The following PPFIA2 variants were observed in gnomAD, a reference collection of about 807,000 sequenced individuals.
The protein encoded by PPFIA2 is PPFI scaffold protein A2, also known as liprin-alpha-2.
In PPFIA2, 46 loss-of-function variants were observed where a neutral mutation model predicts 175.5. The ratio of observed to expected loss-of-function variants is 0.26; its 90% CI spans 0.21 to 0.34. The LOEUF (loss-of-function observed/expected upper bound fraction) is 0.34. PPFIA2 is among the 10% of genes least tolerant of loss of function. The pLI is 1.00. For missense variants in PPFIA2, 1,179 were observed against 1,506.1 expected (o/e 0.78, Z 3.60); for synonymous variants, 568 against 511.4 (o/e 1.11, Z -1.49).
chr12:81,371,460 G>T (rs2141562472), intron 11 of PPFIA2, among the ~76,000 whole-genome samples: 1 of 151,674 alleles, frequency 6.6e-6, no homozygotes, highest in Non-Finnish European at 1.5e-5. Flanking sequence ...CTTGAGACAT[G>T]AATATTTCAG....
chr12:81,302,113 T>A (rs1461310975), intron 22 of PPFIA2: 1 of 348,454 alleles, frequency 2.9e-6, no homozygotes, highest in African/African-American at 2.2e-5. Context: ...TATATTTAGG[T>A]GCTTCTTGTT....
chr12:81,600,845 T>C (rs1420336952), intron 4 of PPFIA2, among the ~76,000 whole-genome samples: 1 of 151,980 alleles, frequency 6.6e-6, no homozygotes, highest in East Asian at 1.9e-4. Context: ...GTTTGTCAAA[T>C]AGATTTTTAC....
intron 3 of PPFIA2, among the ~76,000 whole-genome samples, chr12:81,732,258 G>T (rs545924927): frequency 6.6e-6 from 1 of 151,626 alleles, no homozygotes; most frequent in South Asian, 2.1e-4. Flanking sequence ...CATATTAATA[G>T]CATTTAAATA....
intron 4 of PPFIA2, among the ~76,000 whole-genome samples, chr12:81,505,485 G>A (rs1157112812): frequency 6.6e-6 from 1 of 152,004 alleles, no homozygotes; most frequent in Non-Finnish European, 1.5e-5. Context: ...GATGGTTTTT[G>A]TTTGGTGTTT....
Position 81,353,473 on chromosome 12 carries a change from T to G in PPFIA2, c.1774-134A>C, listed in dbSNP as rs1595414599. ...AAAAACTGAACCAATTATTAACATTTTAATTTATTTGCTTCCATAAAATAG... is the reference window on the plus strand; with the variant it reads ...AAAAACTGAACCAATTATTAACATTGTAATTTATTTGCTTCCATAAAATAG... On this transcript the variant is annotated intron_variant, in intron 16 of 32. Transcript: ENST00000549396. The G allele has an allele frequency of 1.4e-5, 9 of 627,184 alleles. No individual in the cohort carries two copies. The East Asian group carries it at 2.5e-4, about 17-fold the overall frequency. 38.9% of individuals were successfully genotyped at this position (627,184 alleles called of 1,614,324 possible).
chr12:81,707,447 C>A lies in PPFIA2; in HGVS notation c.250-30603G>T, dbSNP rs896630373. On this transcript the variant is annotated intron_variant, in intron 3 of 32. Transcript: ENST00000549396. ...TGCTCACCATCACTGGCCATCAGAG[C>A]AATGCAAATCAAAGCCACAATGAGA... Among the ~76,000 whole-genome samples, 650 of 152,272 alleles carry A rather than the reference C, an allele frequency of 4.3e-3. 2 individuals are homozygous for A. The highest frequency in any genetic ancestry group is 0.011 in the African/African-American group (464 of 41,560).
intron 3 of PPFIA2, among the ~76,000 whole-genome samples, chr12:81,746,213 T>G (rs563273228): frequency 6.9e-6 from 1 of 144,756 alleles, no homozygotes; most frequent in South Asian, 2.2e-4. Context: ...ACAATTAATC[T>G]TATCTTTGTT....
At chr12:81,434,265 T>C (rs1039470678) in intron 7 of PPFIA2, among the ~76,000 whole-genome samples, 5 of 152,034 alleles carry the variant, frequency 3.3e-5, no homozygotes, top group African/African-American at 1.2e-4. Flanking sequence ...GCATAATAGA[T>C]CATTATGTTA....
chr12:81,573,149 C>T (rs1019239351), intron 4 of PPFIA2, among the ~76,000 whole-genome samples: 3 of 151,802 alleles, frequency 2.0e-5, no homozygotes, highest in Admixed American at 1.3e-4. Flanking sequence ...ATTTTCAGAG[C>T]GTGTTGCAGA....
chr12:81,705,009 G>A (rs1002944767), intron 3 of PPFIA2, among the ~76,000 whole-genome samples: 33 of 148,086 alleles, frequency 2.2e-4, no homozygotes, highest in African/African-American at 8.0e-4. Flanking sequence ...ATTTGAACCT[G>A]GGAGGCAGAG....
At position 81,559,853 on chromosome 12, in the gene PPFIA2, C is replaced by T. The variant is rs114494008; in HGVS notation, c.304-101987G>A. On this transcript the variant is annotated intron_variant, in intron 4 of 32. Coordinates refer to ENST00000549396, the MANE Select transcript of PPFIA2 (RefSeq NM_003625.5). ...TTGCAATCTTCTGTCTCATTTCCCCCAACCCAAATAATTTGACACACATCG... is the reference window on the plus strand; with the variant it reads ...TTGCAATCTTCTGTCTCATTTCCCCTAACCCAAATAATTTGACACACATCG... 6.5e-3 allele frequency among the ~76,000 whole-genome samples: 985 copies of T among 151,674 alleles called. 9 individuals are homozygous for T. Among genetic ancestry groups the T allele is most frequent in the African/African-American group, 0.022 (920 of 41,352 alleles).
chr12:81,498,902 C>T (rs1054278186), intron 4 of PPFIA2, among the ~76,000 whole-genome samples: 5 of 152,158 alleles, frequency 3.3e-5, no homozygotes, highest in Admixed American at 1.3e-4. Context: ...GGATTAGAGA[C>T]GTGAGCCACC....
At chr12:81,276,053 C>G (rs970137828) in intron 28 of PPFIA2, among the ~76,000 whole-genome samples, 17 of 152,006 alleles carry the variant, frequency 1.1e-4, no homozygotes, top group Non-Finnish European at 2.1e-4. Flanking sequence ...CAAAGTGCTG[C>G]GATTACAGGC....
Position 81,754,106 on chromosome 12 carries a change from A to G in PPFIA2, c.116T>C (p.Leu39Pro). The G allele has an allele frequency of 6.2e-7, 1 of 1,613,858 alleles. No homozygotes were observed. Among genetic ancestry groups the G allele is most frequent in the Non-Finnish European group, 8.5e-7 (1 of 1,179,878 alleles). The change falls in exon 3 of 33, where the codon CTA becomes CCA. Residue 39 changes from leucine to proline, a missense_variant. Coordinates refer to ENST00000549396, the MANE Select transcript of PPFIA2 (RefSeq NM_003625.5). The stretch of plus-strand genomic sequence containing the variant: ...GTCTAGAAGACGATCCCTTTCATCT[A>G]GCATATTCACCATCAGCTGCTCAAA... ...SHFEQLMVNM[L>P]DERDRLLDTL...
At chr12:81,719,207 T>A (rs571416461) in intron 3 of PPFIA2, among the ~76,000 whole-genome samples, 1 of 151,784 alleles carries the variant, frequency 6.6e-6, no homozygotes, top group African/African-American at 2.4e-5. Context: ...TAGAAATATT[T>A]ATTAGTGGGT....
intron 6 of PPFIA2, 110 bp downstream of exon 6, chr12:81,445,446 T>C: frequency 1.0e-6 from 1 of 978,078 alleles, no homozygotes; most frequent in Non-Finnish European, 1.5e-6. Context: ...CTCAAAAGTG[T>C]TCCTCAACTG....
At chr12:81,340,357 T>C (rs1292248873) in intron 20 of PPFIA2, among the ~76,000 whole-genome samples, 3 of 152,224 alleles carry the variant, frequency 2.0e-5, no homozygotes, top group Non-Finnish European at 2.9e-5. Context: ...TAAGTCATTA[T>C]ATTTGGTTAT....
chr12:81,702,513 T>C (rs1201684264), intron 3 of PPFIA2, among the ~76,000 whole-genome samples: 1 of 152,148 alleles, frequency 6.6e-6, no homozygotes, highest in Non-Finnish European at 1.5e-5. Context: ...GTCTACACTC[T>C]ATTTGTCAAA....
At chr12:81,705,171 C>T (rs376590060) in intron 3 of PPFIA2, among the ~76,000 whole-genome samples, 6 of 147,914 alleles carry the variant, frequency 4.1e-5, no homozygotes, top group East Asian at 2.0e-4. Context: ...AAGATACGGC[C>T]GGGCGCAGTG....
Sources: allele counts gnomAD v4.1 joint callset (sites outside exome capture counted in the v4.1 genomes callset), GRCh38; gene constraint gnomAD v4.1.1; transcripts MANE v1.5; gene names NCBI Gene and HGNC (gene_info 2026-07-23, HGNC 2026-07-21).